The following RGS6 variants were observed in gnomAD, a reference collection of about 807,000 sequenced individuals.
The protein encoded by RGS6 is regulator of G protein signaling 6, also known as regulator of G-protein signaling 6.
RGS6 carries 30 observed loss-of-function variants against 78.5 expected under a neutral mutation model. The ratio of observed to expected loss-of-function variants is 0.38; its 90% CI spans 0.29 to 0.52. The LOEUF is 0.52. Ranked by LOEUF, RGS6 falls within the 20% of genes least tolerant of loss-of-function variation. The probability of loss-of-function intolerance (pLI) is 0.85; values close to 1 mark genes in which losing one functional copy is unlikely to be tolerated. For synonymous variants in RGS6, 206 were observed against 206.0 expected (o/e 1.00, Z 0.00); for missense variants, 495 against 609.7 (o/e 0.81, Z 1.98).
chr14:72,233,087 G>A (rs573558555), intron 2 of RGS6, among the ~76,000 whole-genome samples: 2 of 152,298 alleles, frequency 1.3e-5, no homozygotes, highest in East Asian at 1.9e-4. Flanking sequence ...TGTATACCAG[G>A]TGTAACTGGC....
At chr14:72,540,241 T>A in intron 17 of RGS6, 147 bp downstream of exon 17, 1 of 1,545,950 alleles carries the variant, frequency 6.5e-7, no homozygotes, top group Non-Finnish European at 8.6e-7. Flanking sequence ...AGCCCTTTTC[T>A]TTTGCGAGTG....
chr14:72,125,206 A>G (rs2153578367), intron 2 of RGS6, among the ~76,000 whole-genome samples: 1 of 152,260 alleles, frequency 6.6e-6, no homozygotes, highest in South Asian at 2.1e-4. Context: ...GGCTTCAAGG[A>G]TAGGCATCCT....
chr14:72,006,925 A>G (rs535831558), intron 2 of RGS6, among the ~76,000 whole-genome samples: 7 of 152,334 alleles, frequency 4.6e-5, no homozygotes, highest in Middle Eastern at 3.4e-3. Context: ...CACACTGTCC[A>G]TAGAAGTTTG....
chr14:72,163,544 A>C (rs2096881632), intron 2 of RGS6, among the ~76,000 whole-genome samples: 1 of 152,234 alleles, frequency 6.6e-6, no homozygotes, highest in Non-Finnish European at 1.5e-5. Flanking sequence ...ACCGGAAAAC[A>C]TGGGGGAAAA....
chr14:72,490,120 C>T (rs1336454386), intron 12 of RGS6, among the ~76,000 whole-genome samples: 1 of 152,116 alleles, frequency 6.6e-6, no homozygotes, highest in Non-Finnish European at 1.5e-5. Context: ...CTTGAATTCC[C>T]ATGTGTTGTG....
intron 2 of RGS6, among the ~76,000 whole-genome samples, chr14:72,002,466 G>A (rs1238638515): frequency 5.9e-5 from 9 of 152,154 alleles, no homozygotes; most frequent in Admixed American, 2.6e-4. Context: ...CTGGTAGTAC[G>A]TTGATTGTGG....
intron 2 of RGS6, among the ~76,000 whole-genome samples, chr14:72,119,238 G>A (rs1006508374): frequency 2.0e-4 from 31 of 152,130 alleles, no homozygotes; most frequent in African/African-American, 7.2e-4. Context: ...GATAGGAGTC[G>A]GGTAGAGCTT....
chr14:71,923,565 A>G, the RGS6 span, among the ~76,000 whole-genome samples: 1 of 152,122 alleles, frequency 6.6e-6, no homozygotes, highest in Non-Finnish European at 1.5e-5. Flanking sequence ...TATTTTTTTT[A>G]AAGTTGTGAT....
rs902062609 is a variant in RGS6 at position 72,186,367 on chromosome 14, A to G, written c.85-165728A>G. 3.3e-5 allele frequency among the ~76,000 whole-genome samples: 5 copies of G among 152,366 alleles called. No individual in the cohort carries two copies. In the South Asian group the frequency reaches 6.2e-4, roughly 19 times the overall value. On this transcript the variant is annotated intron_variant, in intron 2 of 17. Coordinates refer to ENST00000553525, the MANE Select transcript of RGS6 (RefSeq NM_001204424.2). ...ATAGTACACCACCAAGCACCTTAAC[A>G]GGAGCCTGCAAATTGCCCTTGAGGG...
At chr14:72,032,062 CT>C (rs1211335863) in intron 2 of RGS6, among the ~76,000 whole-genome samples, 4 of 152,116 alleles carry the variant, frequency 2.6e-5, no homozygotes, top group African/African-American at 9.7e-5. Flanking sequence ...TGCTGTATGT[CT>C]ACTTTGTAGC....
intron 2 of RGS6, among the ~76,000 whole-genome samples, chr14:72,158,804 A>C (rs1472578190): frequency 2.0e-5 from 3 of 152,234 alleles, no homozygotes; most frequent in South Asian, 4.1e-4. Context: ...GATTTGGGAC[A>C]TAGAGCAGCC....
chr14:72,057,354 T>C (rs913004663), intron 2 of RGS6, among the ~76,000 whole-genome samples: 24 of 147,602 alleles, frequency 1.6e-4, no homozygotes, highest in Non-Finnish European at 3.1e-4. Context: ...TGTTTGCTTC[T>C]GTAGGCACAT....
intron 2 of RGS6, among the ~76,000 whole-genome samples, chr14:72,177,784 AC>A (rs2153693690): frequency 6.6e-6 from 1 of 152,322 alleles, no homozygotes; most frequent in African/African-American, 2.4e-5. Flanking sequence ...GTTGTAAATG[AC>A]CAATTCTAGT....
chr14:72,613,680 A>C, the RGS6 span, among the ~76,000 whole-genome samples: 2 of 152,154 alleles, frequency 1.3e-5, no homozygotes, highest in Non-Finnish European at 2.9e-5. Flanking sequence ...TCACTTCCAA[A>C]TCTTTCCCCT....
chr14:72,152,654 A>T (rs2096711795), intron 2 of RGS6, among the ~76,000 whole-genome samples: 1 of 152,158 alleles, frequency 6.6e-6, no homozygotes, highest in African/African-American at 2.4e-5. Flanking sequence ...TTTACTGGGG[A>T]CATTCTTGTG....
intron 17 of RGS6, among the ~76,000 whole-genome samples, chr14:72,557,656 C>T (rs59131418): frequency 0.023 from 3,571 of 152,288 alleles, 146 homozygotes; most frequent in African/African-American, 0.078. Flanking sequence ...CTTGAGAGCA[C>T]GACTCATCTC....
At chr14:72,551,364 T>C (rs1281683102) in intron 17 of RGS6, among the ~76,000 whole-genome samples, 1 of 152,196 alleles carries the variant, frequency 6.6e-6, no homozygotes, top group Non-Finnish European at 1.5e-5. Flanking sequence ...TGCTCGTGGC[T>C]GACCGTCCCA....
chr14:72,143,713 C>G (rs1004433587), intron 2 of RGS6, among the ~76,000 whole-genome samples: 4 of 152,062 alleles, frequency 2.6e-5, no homozygotes, highest in African/African-American at 9.7e-5. Context: ...CAGAACACGT[C>G]TTTAAGGTTG....
intron 2 of RGS6, among the ~76,000 whole-genome samples, chr14:72,342,600 G>T (rs1289154041): frequency 1.3e-5 from 2 of 150,362 alleles, no homozygotes; most frequent in Non-Finnish European, 3.0e-5. Flanking sequence ...CGTGGTGGTG[G>T]ATGCCTGTAA....
Sources: gnomAD v4.1 joint callset for allele counts (sites outside exome capture counted in the v4.1 genomes callset) on GRCh38, gnomAD v4.1.1 for gene constraint, MANE v1.5 for transcripts, NCBI Gene and HGNC (gene_info 2026-07-23, HGNC 2026-07-21) for gene names.